CLEC16A: variants seen among roughly 807,000 people sequenced by gnomAD.
CLEC16A encodes protein CLEC16A.
Under a neutral mutation model 109.5 loss-of-function variants are expected in CLEC16A, and 51 were observed. That is an observed-to-expected ratio of 0.47 (90% confidence interval 0.37 to 0.59). The LOEUF is 0.59. Ranked by LOEUF, CLEC16A falls within the 20% of genes least tolerant of loss-of-function variation. The pLI, the probability that CLEC16A is intolerant of heterozygous loss-of-function variation, is 0.00. For synonymous variants in CLEC16A, 673 were observed against 564.2 expected (o/e 1.19, Z -2.73); for missense variants, 1,339 against 1,394.0 (o/e 0.96, Z 0.63).
Position 11,178,686 on chromosome 16 carries a change from A to G in CLEC16A, c.3158A>G (p.Asp1053Gly). Reference protein sequence around the residue: ...ACAEPVGTAED With the variant: ...ACAEPVGTAEG ...GCTGAGCCTGTGGGCACCGCTGAGG[A>G]CTGAGTCAGTGCCGGGGCCTCCCTT... The change falls in exon 24 of 24, where the codon GAC becomes GGC. Residue 1053 changes from aspartate to glycine, a missense_variant. Transcript: ENST00000409790. This position sits in a 1 kb window ranked among gnomAD's most constrained non-coding sequence, Gnocchi z 6.5. 2 of 1,491,528 alleles carry G rather than the reference A, an allele frequency of 1.3e-6. No homozygotes were observed. Among genetic ancestry groups the G allele is most frequent in the Non-Finnish European group, 1.8e-6 (2 of 1,122,442 alleles). 92.4% of individuals were successfully genotyped at this position (1,491,528 alleles called of 1,614,324 possible).
At chr16:11,140,962 C>A (rs187089619) in intron 22 of CLEC16A, among the ~76,000 whole-genome samples, 1 of 152,230 alleles carries the variant, frequency 6.6e-6, no homozygotes, top group Non-Finnish European at 1.5e-5. Context: ...CTTAGCTGGG[C>A]CAGCATTTTA....
chr16:11,026,721 C>G (rs2046427337), intron 13 of CLEC16A, among the ~76,000 whole-genome samples: 1 of 146,398 alleles, frequency 6.8e-6, no homozygotes, highest in South Asian at 2.2e-4. Context: ...TATAAAGAAG[C>G]TTTAGGCATT....
At chr16:11,009,039 C>T (rs964217357) in intron 11 of CLEC16A, among the ~76,000 whole-genome samples, 1 of 152,136 alleles carries the variant, frequency 6.6e-6, no homozygotes, top group Non-Finnish European at 1.5e-5. Flanking sequence ...ATAACCATCA[C>T]CACCATCTGT....
intron 19 of CLEC16A, among the ~76,000 whole-genome samples, chr16:11,065,870 G>T (rs1251248802): frequency 6.6e-6 from 1 of 152,232 alleles, no homozygotes; most frequent in African/African-American, 2.4e-5. Context: ...CACACAAGTA[G>T]CAAGAGTGGG....
chr16:10,998,399 C>G (rs573429183), intron 10 of CLEC16A, among the ~76,000 whole-genome samples: 1 of 152,240 alleles, frequency 6.6e-6, no homozygotes, highest in Non-Finnish European at 1.5e-5. Flanking sequence ...GTAGCCCAGC[C>G]TCAGGCACCT....
At chr16:11,016,924 T>C (rs2045787689) in intron 11 of CLEC16A, among the ~76,000 whole-genome samples, 1 of 145,864 alleles carries the variant, frequency 6.9e-6, no homozygotes, top group African/African-American at 2.6e-5. Context: ...GACATCTGAC[T>C]TCAGATCAGA....
intron 10 of CLEC16A, among the ~76,000 whole-genome samples, chr16:10,983,758 T>C (rs2043462715): frequency 6.6e-6 from 1 of 152,080 alleles, no homozygotes. Flanking sequence ...CTGACTTGCT[T>C]TTCCCCCAGC....
rs9745672 is a variant in CLEC16A, at chr16:10,996,758, G to C, written c.1072-6316G>C. Among the ~76,000 whole-genome samples, 656 of 151,586 alleles carry C rather than the reference G, an allele frequency of 4.3e-3. 5 individuals carry two copies. The highest frequency in any genetic ancestry group is 0.031 in the Middle Eastern group (9 of 292). The stretch of plus-strand genomic sequence containing the variant: ...GGGGTGGACTGTGGGCTCTGAGAGG[G>C]GTGGACTGTGGGCTCTGAGAGGCGT... On this transcript the variant is annotated intron_variant, in intron 10 of 23. Coordinates refer to ENST00000409790, the MANE Select transcript of CLEC16A (RefSeq NM_015226.3).
chr16:10,953,972 G>A (rs1298671180), intron 1 of CLEC16A, among the ~76,000 whole-genome samples: 6 of 57,940 alleles, frequency 1.0e-4, no homozygotes, highest in African/African-American at 1.5e-4. Context: ...GCAAGACTCC[G>A]TCTCAAAAAA....
chr16:11,070,132 G>A (rs951448673), intron 19 of CLEC16A, among the ~76,000 whole-genome samples: 1 of 150,628 alleles, frequency 6.6e-6, no homozygotes, highest in Non-Finnish European at 1.5e-5. Context: ...GTGCAGTGGC[G>A]CAATCTCCAC....
chr16:11,017,981 C>T (rs887157503), intron 11 of CLEC16A, among the ~76,000 whole-genome samples: 3 of 136,318 alleles, frequency 2.2e-5, no homozygotes, highest in African/African-American at 5.6e-5. Context: ...TAGTTAATAA[C>T]AATTTTTAAA....
chr16:11,141,481 G>T (rs984944576), intron 22 of CLEC16A, among the ~76,000 whole-genome samples: 2 of 152,252 alleles, frequency 1.3e-5, no homozygotes, highest in African/African-American at 4.8e-5. Context: ...CACGGGGTGT[G>T]GGGGGCACTG....
intron 11 of CLEC16A, among the ~76,000 whole-genome samples, chr16:11,010,010 A>G (rs2045302991): frequency 6.6e-6 from 1 of 152,126 alleles, no homozygotes; most frequent in Admixed American, 6.5e-5. Flanking sequence ...AAAACTAGCC[A>G]GTCACAGCGG....
rs536581784 is a variant in CLEC16A, at chr16:11,131,451, C to T, written c.2641+5305C>T. Among the ~76,000 whole-genome samples the T allele has an allele frequency of 3.3e-5, 5 of 152,320 alleles. No homozygotes were observed. In the East Asian group the frequency reaches 5.8e-4, roughly 18 times the overall value. On this transcript the variant is annotated intron_variant, in intron 22 of 23. Transcript: ENST00000409790. ...ACAGCCTTGCTCCTCACTCTGGGCT[C>T]CTACTGGCCCAGAGGCTGCTTCAGG...
intron 10 of CLEC16A, among the ~76,000 whole-genome samples, chr16:10,986,012 A>ATTTTTTTTTTTTTTTTT (rs59547466): frequency 1.2e-4 from 5 of 43,454 alleles, no homozygotes; most frequent in African/African-American, 4.5e-4. Context: ...GGCCTGCAGA[A>ATTTTTTTTTTTTTTTTT]TTTTTTTTTT....
chr16:11,065,742 G>T (rs1209098014), intron 19 of CLEC16A, among the ~76,000 whole-genome samples: 2 of 152,248 alleles, frequency 1.3e-5, no homozygotes, highest in Admixed American at 6.5e-5. Flanking sequence ...GGAGGGACCA[G>T]AAGCTTCTAC....
At chr16:11,041,144 C>A (rs1033028456) in intron 14 of CLEC16A, 3 of 152,246 alleles carry the variant, frequency 2.0e-5, no homozygotes, top group Non-Finnish European at 4.4e-5. Context: ...CACCTGCAGT[C>A]TACCACTACC....
chr16:11,057,846 TG>T (rs2048287038), intron 18 of CLEC16A, among the ~76,000 whole-genome samples: 1 of 152,166 alleles, frequency 6.6e-6, no homozygotes, highest in Non-Finnish European at 1.5e-5. Flanking sequence ...TAACTGACCT[TG>T]GGCAGGCTGC....
chr16:11,126,172 A>G, intron 22 of CLEC16A, 26 bp downstream of exon 22: 2 of 1,613,274 alleles, frequency 1.2e-6, no homozygotes, highest in Non-Finnish European at 1.7e-6. Flanking sequence ...GCCCTGCGCC[A>G]CAGCTCGTTC....
Sources: gnomAD v4.1 joint callset for allele counts (sites outside exome capture counted in the v4.1 genomes callset) on GRCh38, gnomAD v4.1.1 for gene constraint, Gnocchi (gnomAD v3.1) non-coding constraint, MANE v1.5 for transcripts, NCBI Gene and HGNC (gene_info 2026-07-23, HGNC 2026-07-21) for gene names.